Variants in RAB3C observed in about 807,000 individuals in gnomAD.
RAB3C encodes RAB3C, member RAS oncogene family.
A neutral mutation model predicts 26.4 loss-of-function variants in RAB3C; 17 were observed. The ratio of observed to expected loss-of-function variants is 0.64; its 90% CI spans 0.44 to 0.97. RAB3C has a LOEUF of 0.97. Among genes scored for constraint, RAB3C ranks in the 50% least tolerant of loss-of-function variants. The pLI, the probability that RAB3C is intolerant of heterozygous loss-of-function variation, is 0.00. For missense variants in RAB3C, 242 were observed against 281.9 expected (o/e 0.86, Z 1.01); for synonymous variants, 91 against 95.9 (o/e 0.95, Z 0.30).
At position 58,583,136 on chromosome 5, in the gene RAB3C, C is replaced by G. The variant is rs961724826; in HGVS notation, c.-73C>G. 4.3e-6 allele frequency: 7 copies of G among 1,610,786 alleles called. No homozygotes were observed. The highest frequency in any genetic ancestry group is 2.2e-5 in the East Asian group (1 of 44,802). ...GTGCAGAGTGTGGAGCGTGGAGCGC[C>G]GGGACTGTGCACGCTTGACCGGAAG... On this transcript the variant is annotated 5_prime_UTR_variant, in exon 1 of 5. Transcript: ENST00000282878.
Position 58,620,204 on chromosome 5 carries a change from T to G in RAB3C, c.252+2334T>G, listed in dbSNP as rs556589348. 2.6e-5 allele frequency among the ~76,000 whole-genome samples: 4 copies of G among 152,318 alleles called. No homozygotes were observed. In the East Asian group the frequency reaches 7.7e-4, roughly 29 times the overall value. ...GTTCAGCCACTTGGGAATCCTTCAC[T>G]TTCCCCCATCGTCAGTCACAATAGT... On this transcript the variant is annotated intron_variant, in intron 2 of 4. Transcript: ENST00000282878.
At chr5:58,754,885 C>CTTTT (rs5868129) in intron 3 of RAB3C, among the ~76,000 whole-genome samples, 1 of 149,510 alleles carries the variant, frequency 6.7e-6, no homozygotes, top group African/African-American at 2.5e-5. Context: ...CCTTATTCTC[C>CTTTT]TTTTTTTTTT....
In RAB3C at chr5:58,679,688, C is replaced by T. The variant is rs533662447; in HGVS notation, c.253-46314C>T. ...AAAATGATGTCTTCATATATCTTTG[C>T]TGTATTTGAATGCTTTTAACCTCAA... On this transcript the variant is annotated intron_variant, in intron 2 of 4. Coordinates refer to ENST00000282878, the MANE Select transcript of RAB3C (RefSeq NM_138453.4). 2.1e-4 allele frequency among the ~76,000 whole-genome samples: 32 copies of T among 152,238 alleles called. No homozygotes were observed. In the South Asian group the frequency reaches 5.2e-3, roughly 25 times the overall value.
intron 2 of RAB3C, among the ~76,000 whole-genome samples, chr5:58,623,942 G>A (rs965683146): frequency 6.6e-6 from 1 of 152,028 alleles, no homozygotes; most frequent in Non-Finnish European, 1.5e-5. Context: ...TTTATGTAGT[G>A]GGGGGAAATA....
intron 4 of RAB3C, among the ~76,000 whole-genome samples, chr5:58,839,789 C>T (rs1914023): frequency 0.58 from 88,469 of 151,912 alleles, 25,994 homozygotes; most frequent in Middle Eastern, 0.71. Context: ...TCCTTGAACA[C>T]TTCTTGTAAG....
intron 2 of RAB3C, among the ~76,000 whole-genome samples, chr5:58,641,809 A>G (rs924449155): frequency 5.9e-5 from 9 of 152,166 alleles, no homozygotes; most frequent in South Asian, 2.1e-4. Flanking sequence ...GCTGTCTCCA[A>G]TGTCAGCCTC....
chr5:58,714,484 A>G (rs1046653106), intron 2 of RAB3C, among the ~76,000 whole-genome samples: 4 of 152,140 alleles, frequency 2.6e-5, no homozygotes, highest in Admixed American at 1.3e-4. Context: ...CTTCAAAAAC[A>G]TGAAAGGAGG....
chr5:58,734,237 A>G (rs190132671), intron 3 of RAB3C, among the ~76,000 whole-genome samples: 5 of 152,178 alleles, frequency 3.3e-5, no homozygotes, highest in Admixed American at 2.0e-4. Context: ...CCCCTCCAAA[A>G]CTACATAGTG....
intron 2 of RAB3C, among the ~76,000 whole-genome samples, chr5:58,635,373 G>A (rs1247343190): frequency 6.6e-6 from 1 of 152,136 alleles, no homozygotes; most frequent in Non-Finnish European, 1.5e-5. Flanking sequence ...TTTTAATCTG[G>A]GTGCAATGGT....
intron 2 of RAB3C, among the ~76,000 whole-genome samples, chr5:58,682,992 CT>C (rs1748378235): frequency 6.6e-6 from 1 of 152,278 alleles, no homozygotes; most frequent in South Asian, 2.1e-4. Context: ...ACGATGTTTC[CT>C]TGCCTGAAGT....
At chr5:58,637,098 CTT>C (rs10669263) in intron 2 of RAB3C, among the ~76,000 whole-genome samples, 6 of 142,176 alleles carry the variant, frequency 4.2e-5, no homozygotes, top group Admixed American at 2.8e-4. Flanking sequence ...TTTCAAAGAA[CTT>C]TTTTTTTTTT....
chr5:58,853,588 T>C lies in RAB3C; in HGVS notation c.*2237T>C, dbSNP rs1020927281. ...AGAACTGATTGCTGTTGAAGTTAATTGGCCCTTAGATGGGAAGCCCTAAGC... is the reference window on the plus strand; with the variant it reads ...AGAACTGATTGCTGTTGAAGTTAATCGGCCCTTAGATGGGAAGCCCTAAGC... On this transcript the variant is annotated 3_prime_UTR_variant, in exon 5 of 5. Transcript: ENST00000282878. 4 of 152,194 alleles carry C rather than the reference T, an allele frequency of 2.6e-5. No individual in the cohort carries two copies. The highest frequency in any genetic ancestry group is 6.5e-5 in the Admixed American group (1 of 15,278). 9.4% of individuals were successfully genotyped at this position (152,194 alleles called of 1,614,324 possible). A position where few individuals can be genotyped will look rare whatever the true frequency, so the allele number is the denominator to read the frequency against.
At chr5:58,698,579 G>T (rs1451828646) in intron 2 of RAB3C, among the ~76,000 whole-genome samples, 1 of 152,066 alleles carries the variant, frequency 6.6e-6, no homozygotes, top group Non-Finnish European at 1.5e-5. Flanking sequence ...CGTAGATTTG[G>T]TCTTTTCACA....
chr5:58,843,577 TGA>T (rs1743921627), intron 4 of RAB3C, among the ~76,000 whole-genome samples: 7 of 152,348 alleles, frequency 4.6e-5, no homozygotes, highest in South Asian at 2.1e-4. Flanking sequence ...AAAACCAATA[TGA>T]CAGAACATTG....
At chr5:58,641,135 G>C (rs911930197) in intron 2 of RAB3C, among the ~76,000 whole-genome samples, 5 of 152,124 alleles carry the variant, frequency 3.3e-5, no homozygotes, top group African/African-American at 1.2e-4. Flanking sequence ...GTTTGTATCA[G>C]AGCAAAGTTA....
chr5:58,703,637 A>T (rs1194573781), intron 2 of RAB3C, among the ~76,000 whole-genome samples: 2 of 152,166 alleles, frequency 1.3e-5, no homozygotes, highest in Non-Finnish European at 2.9e-5. Context: ...TCCATTCTCA[A>T]AGTGAGGTCC....
At position 58,610,194 on chromosome 5, in the gene RAB3C, C is replaced by CTGTGTGTGTGTGTGTGTGTGTGTGTG. The variant is rs1168785442; in HGVS notation, c.25-7445_25-7420dup. 2.0e-3 allele frequency among the ~76,000 whole-genome samples: 294 copies of CTGTGTGTGTGTGTGTGTGTGTGTGTG among 143,482 alleles called. 6 individuals are homozygous for CTGTGTGTGTGTGTGTGTGTGTGTGTG. Among genetic ancestry groups the CTGTGTGTGTGTGTGTGTGTGTGTGTG allele is most frequent in the Middle Eastern group, 0.014 (4 of 280 alleles). 94.1% of individuals were successfully genotyped at this position (143,482 alleles called of 152,430 possible). A position where few individuals can be genotyped will look rare whatever the true frequency, so the allele number is the denominator to read the frequency against. ...TCAGAAAAAAATGATTTTTGTTTTT[C>CTGTGTGTGTGTGTGTGTGTGTGTGTG]TGTGTGTGTGTGTGTGTGTGTGTGT... On this transcript the variant is annotated intron_variant, in intron 1 of 4. Transcript: ENST00000282878.
chr5:58,843,655 A>G (rs566629510), intron 4 of RAB3C, among the ~76,000 whole-genome samples: 1 of 152,232 alleles, frequency 6.6e-6, no homozygotes, highest in East Asian at 1.9e-4. Context: ...ATTTCTTCAA[A>G]TTTTTTCAGA....
intron 2 of RAB3C, among the ~76,000 whole-genome samples, chr5:58,655,855 A>G (rs1400236229): frequency 7.7e-6 from 1 of 129,610 alleles, no homozygotes; most frequent in Non-Finnish European, 1.5e-5. Flanking sequence ...GAGTGCAGTG[A>G]CGCAGTCTCG....
Sources: allele counts gnomAD v4.1 joint callset (sites outside exome capture counted in the v4.1 genomes callset), GRCh38; gene constraint gnomAD v4.1.1; transcripts MANE v1.5; gene names NCBI Gene and HGNC (gene_info 2026-07-23, HGNC 2026-07-21).